SEC14L1: variants seen among roughly 807,000 people sequenced by gnomAD.
The protein encoded by SEC14L1 is SEC14 like lipid binding 1, also known as SEC14-like protein 1.
A neutral mutation model predicts 85.3 loss-of-function variants in SEC14L1; 48 were observed. The ratio of observed to expected loss-of-function variants is 0.56; its 90% confidence interval spans 0.45 to 0.72. SEC14L1 has a LOEUF of 0.72. SEC14L1 is among the 30% of genes least tolerant of loss of function. The probability of loss-of-function intolerance (pLI) is 0.00; values close to 1 mark genes in which losing one functional copy is unlikely to be tolerated. For missense variants in SEC14L1, 682 were observed against 921.4 expected, an observed-to-expected ratio of 0.74 and a Z score of 3.36; for synonymous variants, 391 against 355.5, an observed-to-expected ratio of 1.10 and a Z score of -1.12.
At chr17:77,191,959 G>A (rs1975564362) in intron 5 of SEC14L1, among the ~76,000 whole-genome samples, 1 of 151,906 alleles carries the variant, frequency 6.6e-6, no homozygotes, top group African/African-American at 2.4e-5. Context: ...ACCACGCCCG[G>A]CTAATTTTTG....
chr17:77,125,383 C>T (rs950867375), intron 3 of SEC14L1, among the ~76,000 whole-genome samples: 22 of 151,256 alleles, frequency 1.5e-4, no homozygotes, highest in African/African-American at 5.1e-4. Context: ...TTTTGATTCA[C>T]TCAGCATTCT....
In SEC14L1 at chr17:77,213,826, C is replaced by A; in HGVS notation, c.2043-92C>A. ...ATGGGGATGAGAAGTGAGCAGAGAA[C>A]AGGGTGGGCCACGAAGTCCAGCAGG... On this transcript the variant is annotated intron_variant, in intron 16 of 16. Coordinates refer to ENST00000436233, the MANE Select transcript of SEC14L1 (RefSeq NM_001143998.2). The surrounding 1 kb of genome is among the most constrained non-coding windows in gnomAD (Gnocchi z 7.1). The A allele has an allele frequency of 6.8e-7, 1 of 1,479,640 alleles. No individual in the cohort carries two copies. Among genetic ancestry groups the A allele is most frequent in the African/African-American group, 1.4e-5 (1 of 72,392 alleles). 91.7% of individuals were successfully genotyped at this position (1,479,640 alleles called of 1,614,324 possible). A position where few individuals can be genotyped will look rare whatever the true frequency, so the allele number is the denominator to read the frequency against.
At chr17:77,096,270 C>T (rs1190374943) in intron 3 of SEC14L1, among the ~76,000 whole-genome samples, 2 of 151,622 alleles carry the variant, frequency 1.3e-5, no homozygotes, top group African/African-American at 4.8e-5. Flanking sequence ...GGTTAAAAAT[C>T]ACTATGAGGC....
chr17:77,140,756 T>C (rs1972963921), upstream of SEC14L1: 1 of 151,046 alleles, frequency 6.6e-6, no homozygotes, highest in Admixed American at 6.6e-5. Flanking sequence ...CGGCGCCTTC[T>C]CCGAGCTCCT....
chr17:77,123,483 C>G (rs1972357098), intron 3 of SEC14L1, among the ~76,000 whole-genome samples: 1 of 141,504 alleles, frequency 7.1e-6, no homozygotes, highest in Non-Finnish European at 1.5e-5. Context: ...GAGATCTTGG[C>G]TCGCTGCAAC....
At chr17:77,168,127 C>T (rs551792987) in intron 3 of SEC14L1, among the ~76,000 whole-genome samples, 7 of 152,190 alleles carry the variant, frequency 4.6e-5, no homozygotes, top group South Asian at 2.1e-4. Flanking sequence ...CTGTCCATTA[C>T]GGTACGGGGC....
intron 3 of SEC14L1, among the ~76,000 whole-genome samples, chr17:77,122,971 CAG>C (rs973992556): frequency 3.3e-5 from 5 of 152,190 alleles, no homozygotes; most frequent in Non-Finnish European, 7.3e-5. Flanking sequence ...AGCATCCAGA[CAG>C]AGAATCACAC....
intron 3 of SEC14L1, among the ~76,000 whole-genome samples, chr17:77,123,528 C>T (rs1267682759): frequency 6.7e-6 from 1 of 149,668 alleles, no homozygotes; most frequent in Non-Finnish European, 1.5e-5. Context: ...TCTCCCACCT[C>T]AGCCTCCTAC....
Position 77,215,883 on chromosome 17 carries a change from G to A in SEC14L1, c.*1860G>A. 5 of 976,188 alleles carry A rather than the reference G, an allele frequency of 5.1e-6. 1 individual carries two copies. The highest frequency in any genetic ancestry group is 6.1e-6 in the Non-Finnish European group (5 of 825,762). 60.5% of individuals were successfully genotyped at this position (976,188 alleles called of 1,614,324 possible). A position where few individuals can be genotyped will look rare whatever the true frequency, so the allele number is the denominator to read the frequency against. ...GTAGGGTTCGTAGGTAGGGTTCGTA[G>A]GTAGGGTTCGTAGGTAGGGCTAGTA... On this transcript the variant is annotated 3_prime_UTR_variant, in exon 17 of 17. Transcript: ENST00000436233.
At chr17:77,154,342 C>T (rs1973705670) in intron 3 of SEC14L1, among the ~76,000 whole-genome samples, 1 of 152,058 alleles carries the variant, frequency 6.6e-6, no homozygotes, top group African/African-American at 2.4e-5. Flanking sequence ...GGTGTGGTGG[C>T]GCATGCCCGT....
intron 3 of SEC14L1, among the ~76,000 whole-genome samples, chr17:77,151,546 A>G (rs1441131250): frequency 6.6e-6 from 1 of 152,194 alleles, no homozygotes; most frequent in Non-Finnish European, 1.5e-5. Flanking sequence ...TTCAAGCAGA[A>G]ATAAGATGTA....
At position 77,212,168 on chromosome 17, in the gene SEC14L1, G is replaced by T; in HGVS notation, c.1830G>T (p.Ser610=). The T allele has an allele frequency of 6.2e-7, 1 of 1,613,968 alleles. No individual in the cohort carries two copies. Among genetic ancestry groups the T allele is most frequent in the Non-Finnish European group, 8.5e-7 (1 of 1,180,036 alleles). ...QLGRDYSMVE[S]PLICKEGESV... ...GCCGCGACTACAGCATGGTGGAGTCGCCTCTGATCTGCAAAGAAGGAGAAA... is the reference window on the plus strand; with the variant it reads ...GCCGCGACTACAGCATGGTGGAGTCTCCTCTGATCTGCAAAGAAGGAGAAA... The change falls in exon 15 of 17, where the codon TCG becomes TCT. Residue 610 remains serine (S), a synonymous_variant. Coordinates refer to ENST00000436233, the MANE Select transcript of SEC14L1 (RefSeq NM_001143998.2).
intron 3 of SEC14L1, among the ~76,000 whole-genome samples, chr17:77,187,377 C>G (rs1249354747): frequency 1.3e-5 from 2 of 151,976 alleles, no homozygotes; most frequent in Admixed American, 1.3e-4. Context: ...TATGCCCCCC[C>G]CCCACACCCC....
At chr17:77,147,125 C>T (rs1362625914) in intron 3 of SEC14L1, among the ~76,000 whole-genome samples, 13 of 152,200 alleles carry the variant, frequency 8.5e-5, no homozygotes, top group Admixed American at 6.5e-4. Flanking sequence ...CACGCAGTCA[C>T]GGGAGGTGGG....
At chr17:77,201,204 C>T (rs1485430834) in intron 9 of SEC14L1, among the ~76,000 whole-genome samples, 1 of 152,150 alleles carries the variant, frequency 6.6e-6, no homozygotes, top group African/African-American at 2.4e-5. Flanking sequence ...ACAGTTCCCC[C>T]AAATGCCTTC....
chr17:77,213,277 G>C lies in SEC14L1; in HGVS notation c.1864-37G>C. 1 of 1,563,482 alleles carries C rather than the reference G, an allele frequency of 6.4e-7. No individual in the cohort carries two copies. Among genetic ancestry groups the C allele is most frequent in the Non-Finnish European group, 8.7e-7 (1 of 1,153,646 alleles). ...CTGTGGTAGGCCAGGGGTCGGAAGC[G>C]AGTCGCCCTCAGCTGCCACTGCCCT... On this transcript the variant is annotated intron_variant, in intron 15 of 16. Transcript: ENST00000436233. The surrounding 1 kb of genome is among the most constrained non-coding windows in gnomAD (Gnocchi z 7.1).
At chr17:77,149,188 A>G (rs554573924) in intron 3 of SEC14L1, among the ~76,000 whole-genome samples, 6 of 152,230 alleles carry the variant, frequency 3.9e-5, no homozygotes, top group South Asian at 2.1e-4. Flanking sequence ...TTCACTTGCA[A>G]TGGGAGTTTC....
intron 3 of SEC14L1, chr17:77,095,139 C>G (rs1389116074): frequency 6.6e-6 from 1 of 152,214 alleles, no homozygotes; most frequent in African/African-American, 2.4e-5. Context: ...TTGGTTCAAT[C>G]TTGGTTTGGG....
chr17:77,147,384 C>A (rs1281888024), intron 3 of SEC14L1, among the ~76,000 whole-genome samples: 1 of 149,078 alleles, frequency 6.7e-6, no homozygotes, highest in African/African-American at 2.5e-5. Context: ...AAAAAAAAAA[C>A]ATGTTAAAGT....
Sources: allele counts gnomAD v4.1 joint callset (sites outside exome capture counted in the v4.1 genomes callset), GRCh38; gene constraint gnomAD v4.1.1; non-coding constraint Gnocchi (gnomAD v3.1); transcripts MANE v1.5; gene names NCBI Gene and HGNC (gene_info 2026-07-23, HGNC 2026-07-21).